Variants in MED12L observed in about 807,000 individuals in gnomAD.
MED12L encodes mediator of RNA polymerase II transcription subunit 12-like protein.
MED12L carries 60 observed loss-of-function variants against 281.3 expected under a neutral mutation model. The observed-to-expected ratio is 0.21, with a 90% CI of 0.17 to 0.26. MED12L has a LOEUF of 0.26. Ranked by LOEUF, MED12L falls within the 10% of genes least tolerant of loss-of-function variation. The pLI is 1.00. For missense variants in MED12L, 2,146 were observed against 2,680.9 expected (o/e 0.80, Z 4.41); for synonymous variants, 974 against 987.2 (o/e 0.99, Z 0.25).
chr3:151,428,251 T>TG (rs1719082029), intron 43 of MED12L, among the ~76,000 whole-genome samples: 1 of 152,350 alleles, frequency 6.6e-6, no homozygotes, highest in Admixed American at 6.5e-5. Context: ...ATAGAATGTC[T>TG]GGAACAGTAC....
intron 16 of MED12L, among the ~76,000 whole-genome samples, chr3:151,218,114 A>C (rs1316701997): frequency 6.6e-6 from 1 of 152,182 alleles, no homozygotes; most frequent in African/African-American, 2.4e-5. Context: ...AGAAACTTCA[A>C]ATCTTTCACA....
intron 43 of MED12L, among the ~76,000 whole-genome samples, chr3:151,425,167 G>GAATCA (rs1718738013): frequency 1.3e-5 from 2 of 152,302 alleles, no homozygotes; most frequent in African/African-American, 4.8e-5. Flanking sequence ...AGCATCGGTA[G>GAATCA]GTCCATTACT....
intron 16 of MED12L, among the ~76,000 whole-genome samples, chr3:151,343,689 T>C (rs1007770447): frequency 6.6e-6 from 1 of 152,198 alleles, no homozygotes; most frequent in East Asian, 1.9e-4. Context: ...TTGGTTGGTT[T>C]GGTTATTTTG....
chr3:151,143,138 G>C (rs1431094165), intron 5 of MED12L, among the ~76,000 whole-genome samples: 3 of 152,190 alleles, frequency 2.0e-5, no homozygotes, highest in Non-Finnish European at 4.4e-5. Context: ...AGGGAAGCCG[G>C]GGTGGATCTG....
At position 151,213,271 on chromosome 3, in the gene MED12L, G is replaced by A. The variant is rs775913836; in HGVS notation, c.2250+19605G>A. On this transcript the variant is annotated intron_variant, in intron 16 of 44. Transcript: ENST00000687756. ...TAATTGAAGATGACAACATGCACACGTGGTCTTTCTTTGGAAGAGGGTAGG... is the reference window on the plus strand; with the variant it reads ...TAATTGAAGATGACAACATGCACACATGGTCTTTCTTTGGAAGAGGGTAGG... The A allele has an allele frequency of 7.2e-6, 11 of 1,522,292 alleles. No individual in the cohort carries two copies. In the East Asian group the frequency reaches 1.4e-4, roughly 19 times the overall value. The allele number at this position is 1,522,292 out of a possible 1,614,324, so 94.3% of individuals were successfully genotyped here.
intron 16 of MED12L, among the ~76,000 whole-genome samples, chr3:151,260,696 C>T (rs1738701430): frequency 6.6e-6 from 1 of 152,164 alleles, no homozygotes; most frequent in African/African-American, 2.4e-5. Flanking sequence ...CAGCTCAATG[C>T]TGACCGGCTT....
intron 11 of MED12L, among the ~76,000 whole-genome samples, chr3:151,177,059 G>A (rs1722140515): frequency 1.3e-5 from 2 of 152,232 alleles, no homozygotes; most frequent in Admixed American, 1.3e-4. Context: ...TGCTCTAGGT[G>A]ATATCATATG....
intron 16 of MED12L, among the ~76,000 whole-genome samples, chr3:151,236,631 T>C (rs1339044559): frequency 6.6e-6 from 1 of 152,216 alleles, no homozygotes; most frequent in African/African-American, 2.4e-5. Context: ...TCTTTCACTT[T>C]TCCTGTTTTA....
chr3:151,129,047 T>TA (rs1249713460), intron 5 of MED12L, among the ~76,000 whole-genome samples: 1 of 152,220 alleles, frequency 6.6e-6, no homozygotes, highest in Admixed American at 6.5e-5. Flanking sequence ...GAGTTATATA[T>TA]AAATATGACC....
intron 2 of MED12L, among the ~76,000 whole-genome samples, chr3:151,108,267 G>C (rs947137512): frequency 1.3e-5 from 2 of 151,242 alleles, no homozygotes; most frequent in Admixed American, 6.6e-5. Context: ...TGGGAGGGGG[G>C]TTGTAGTATT....
intron 16 of MED12L, among the ~76,000 whole-genome samples, chr3:151,264,274 A>C (rs1364840143): frequency 6.6e-6 from 1 of 152,214 alleles, no homozygotes; most frequent in Non-Finnish European, 1.5e-5. Flanking sequence ...TTTTGTAAGC[A>C]CTTGTTTGCT....
chr3:151,188,597 A>G (rs1723567457), intron 13 of MED12L, 117 bp downstream of exon 13: 5 of 1,075,702 alleles, frequency 4.6e-6, no homozygotes, highest in Middle Eastern at 2.6e-4. Context: ...AATATAATGT[A>G]TGTTTTACTG....
At chr3:151,311,777 A>AGC (rs1747555580) in intron 16 of MED12L, among the ~76,000 whole-genome samples, 2 of 152,174 alleles carry the variant, frequency 1.3e-5, no homozygotes, top group Non-Finnish European at 1.5e-5. Context: ...CTGTAATCCC[A>AGC]GCACTTTGGG....
intron 3 of MED12L, among the ~76,000 whole-genome samples, chr3:151,119,246 T>C (rs758307428): frequency 6.6e-6 from 1 of 152,232 alleles, no homozygotes; most frequent in Non-Finnish European, 1.5e-5. Flanking sequence ...ATTCCCTGAA[T>C]TGTATTACTA....
At chr3:151,339,308 G>A (rs575819034) in intron 16 of MED12L, among the ~76,000 whole-genome samples, 42 of 151,424 alleles carry the variant, frequency 2.8e-4, no homozygotes, top group Middle Eastern at 3.4e-3. Context: ...CTGTAGTACC[G>A]TCAAAACAGT....
At chr3:151,213,955 T>G in intron 16 of MED12L, 1 of 1,614,120 alleles carries the variant, frequency 6.2e-7, no homozygotes, top group Non-Finnish European at 8.5e-7. Context: ...TACAATTTTA[T>G]AATATCTGTC....
chr3:151,206,642 C>CTTTTTTTTTTTTTTTTTTTT lies in MED12L; in HGVS notation c.2250+12977_2250+12996dup, dbSNP rs747558778. Among the ~76,000 whole-genome samples the CTTTTTTTTTTTTTTTTTTTT allele has an allele frequency of 8.5e-5, 6 of 70,326 alleles. 2 individuals carry two copies. Among genetic ancestry groups the CTTTTTTTTTTTTTTTTTTTT allele is most frequent in the African/African-American group, 1.2e-4 (2 of 16,684 alleles). The allele number at this position is 70,326 out of a possible 152,430, so 46.1% of individuals were successfully genotyped here. A position where few individuals can be genotyped will look rare whatever the true frequency, so the allele number is the denominator to read the frequency against. On this transcript the variant is annotated intron_variant, in intron 16 of 44. Transcript: ENST00000687756. ...TATGAACTTATGACTAACACATTAT[C>CTTTTTTTTTTTTTTTTTTTT]TTTTTTTTTTTTTTTTTTTTGAGAC...
chr3:151,300,035 A>T, intron 16 of MED12L: 1 of 1,486,158 alleles, frequency 6.7e-7, no homozygotes, highest in Non-Finnish European at 9.4e-7. Flanking sequence ...CAATAAAGTA[A>T]GATTTTCTTT....
At chr3:151,091,265 G>C (rs978821111) in intron 2 of MED12L, among the ~76,000 whole-genome samples, 2 of 152,198 alleles carry the variant, frequency 1.3e-5, no homozygotes, top group Admixed American at 1.3e-4. Flanking sequence ...GCATGACTTA[G>C]GAGAGCTGGT....
Sources: gnomAD v4.1 joint callset for allele counts (sites outside exome capture counted in the v4.1 genomes callset) on GRCh38, gnomAD v4.1.1 for gene constraint, MANE v1.5 for transcripts, NCBI Gene and HGNC (gene_info 2026-07-23, HGNC 2026-07-21) for gene names.